Variants in PTPRS observed in about 807,000 individuals in gnomAD.
PTPRS encodes the protein protein tyrosine phosphatase receptor type S.
A neutral mutation model predicts 215.3 loss-of-function variants in PTPRS; 63 were observed. That is an observed-to-expected ratio of 0.29 (90% CI 0.24 to 0.36). The LOEUF is 0.36. Among genes scored for constraint, PTPRS ranks in the 10% least tolerant of loss-of-function variants. The pLI is 1.00. For synonymous variants in PTPRS, 1,404 were observed against 1,191.4 expected (o/e 1.18, Z -3.68); for missense variants, 2,258 against 2,825.8 (o/e 0.80, Z 4.56).
chr19:5,338,840 G>A lies in PTPRS; in HGVS notation c.-95+1824C>T, dbSNP rs137951097. ...GAGCGGGATGGCTTCCTTCTCCCGG[G>A]CGAAAGGCGGCAGAAAGAGGGAAGA... On this transcript the variant is annotated intron_variant, in intron 1 of 37. Transcript: ENST00000262963. This position sits in a 1 kb window ranked among gnomAD's most constrained non-coding sequence, Gnocchi z 4.2. Among the ~76,000 whole-genome samples, 358 of 152,324 alleles carry A rather than the reference G, an allele frequency of 2.4e-3. 2 individuals are homozygous for A. The highest frequency in any genetic ancestry group is 0.01 in the Middle Eastern group (3 of 294).
intron 37 of PTPRS, 77 bp downstream of exon 37, chr19:5,207,845 C>T: frequency 6.4e-7 from 1 of 1,572,626 alleles, no homozygotes; most frequent in Non-Finnish European, 8.6e-7. Flanking sequence ...GTACCCATCT[C>T]ACAGAGGAGG....
intron 2 of PTPRS, among the ~76,000 whole-genome samples, chr19:5,284,409 A>G (rs2048153677): frequency 7.3e-6 from 1 of 137,142 alleles, no homozygotes; most frequent in South Asian, 2.3e-4. Context: ...ATAAATAAAT[A>G]AATAAATAAA....
chr19:5,228,384 T>C (rs989044045), intron 16 of PTPRS, among the ~76,000 whole-genome samples: 47 of 141,338 alleles, frequency 3.3e-4, no homozygotes, highest in African/African-American at 1.2e-3. Context: ...CTCCCTCTGC[T>C]GACCAGGCTG....
chr19:5,220,161 G>T lies in PTPRS; in HGVS notation c.3550-7C>A. ...GTGAGATGTCCTGGATGAGCTGCGG[G>T]AACAGAGTCATGGGTGGCTCAGAGC... On this transcript the variant is annotated splice_region_variant and splice_polypyrimidine_tract_variant and intron_variant, in intron 21 of 37. Transcript: ENST00000262963. 6.2e-7 allele frequency: 1 copy of T among 1,610,158 alleles called. No homozygotes were observed. The highest frequency in any genetic ancestry group is 8.5e-7 in the Non-Finnish European group (1 of 1,178,068).
At position 5,218,575 on chromosome 19, in the gene PTPRS, A is replaced by G. The variant is rs1444875782; in HGVS notation, c.3936-43T>C. On this transcript the variant is annotated intron_variant, in intron 24 of 37. Coordinates refer to ENST00000262963, the MANE Select transcript of PTPRS (RefSeq NM_002850.4). ...GGAACAGTCCAGTTAGTAGTGGCAC[A>G]TGTTCATGTGTGAACACAATTCAGG... 4.4e-6 allele frequency: 7 copies of G among 1,592,000 alleles called. 1 individual carries two copies. Among genetic ancestry groups the G allele is most frequent in the South Asian group, 1.1e-5 (1 of 90,634 alleles).
chr19:5,229,526 G>A lies in PTPRS; in HGVS notation c.2314C>T (p.Pro772Ser). 2 of 1,463,828 alleles carry A rather than the reference G, an allele frequency of 1.4e-6. No homozygotes were observed. Among genetic ancestry groups the A allele is most frequent in the South Asian group, 1.3e-5 (1 of 74,554 alleles). The allele number at this position is 1,463,828 out of a possible 1,614,324, so 90.7% of individuals were successfully genotyped here. A position where few individuals can be genotyped will look rare whatever the true frequency, so the allele number is the denominator to read the frequency against. The change falls in exon 15 of 38, where the codon CCG becomes TCG. Residue 772 changes from proline to serine, a missense_variant. This residue lies in a region of PTPRS where 371 missense variants were observed against 446.7 expected (regional missense o/e 0.83). Transcript: ENST00000262963. ...RMEGAEARGP[P>S]RIKDVMLADA... ...GCCAGCATGACGTCCTTGATGCGCG[G>A]CGGCCCGCGGGCCTCGGCGCCCTCC...
At chr19:5,329,258 G>A (rs145480363) in intron 1 of PTPRS, among the ~76,000 whole-genome samples, 6 of 151,928 alleles carry the variant, frequency 3.9e-5, no homozygotes, top group Non-Finnish European at 7.4e-5. Context: ...TGAGGCCAGC[G>A]GCCCACAGAG....
chr19:5,293,889 G>C lies in PTPRS; in HGVS notation c.-94-7655C>G, dbSNP rs1343691259. Among the ~76,000 whole-genome samples the C allele has an allele frequency of 1.3e-5, 2 of 152,188 alleles. No homozygotes were observed. Among genetic ancestry groups the C allele is most frequent in the Admixed American group, 6.5e-5 (1 of 15,284 alleles). ...CACAGGGCCAGATTGGAAACAGATG[G>C]GGCCGCCGTGCCAGGCCCGCGACAC... On this transcript the variant is annotated intron_variant, in intron 1 of 37. Coordinates refer to ENST00000262963, the MANE Select transcript of PTPRS (RefSeq NM_002850.4). This position sits in a 1 kb window ranked among gnomAD's most constrained non-coding sequence, Gnocchi z 8.4.
chr19:5,233,254 G>A (rs575990227), intron 13 of PTPRS, among the ~76,000 whole-genome samples: 6 of 151,676 alleles, frequency 4.0e-5, no homozygotes, highest in African/African-American at 1.2e-4. Context: ...CACCTACTAT[G>A]TGCCAGCGCC....
intron 9 of PTPRS, among the ~76,000 whole-genome samples, chr19:5,246,515 C>G (rs1187722270): frequency 1.3e-5 from 2 of 152,200 alleles, no homozygotes; most frequent in African/African-American, 4.8e-5. Flanking sequence ...TCCGATCACT[C>G]CCGAATGGGG....
At chr19:5,269,154 CAT>C (rs2046687729) in intron 4 of PTPRS, among the ~76,000 whole-genome samples, 3 of 152,116 alleles carry the variant, frequency 2.0e-5, no homozygotes, top group Admixed American at 1.3e-4. Context: ...TGCGTGGGTA[CAT>C]GTGTGCCGCA....
At position 5,220,245 on chromosome 19, in the gene PTPRS, G is replaced by A. The variant is rs558274455; in HGVS notation, c.3549+15C>T. ...AATGCATCTGGGCCCTGCGGGTTGG[G>A]CCCCAGGCCCTCACCTCTTCCAGAT... On this transcript the variant is annotated intron_variant, in intron 21 of 37. Coordinates refer to ENST00000262963, the MANE Select transcript of PTPRS (RefSeq NM_002850.4). 1.2e-6 allele frequency: 2 copies of A among 1,612,768 alleles called. No individual in the cohort carries two copies. Among genetic ancestry groups the A allele is most frequent in the Non-Finnish European group, 1.7e-6 (2 of 1,179,206 alleles).
intron 17 of PTPRS, 82 bp downstream of exon 17, chr19:5,225,645 G>C (rs1271752657): frequency 8.2e-7 from 1 of 1,214,518 alleles, no homozygotes; most frequent in Non-Finnish European, 1.2e-6. Context: ...GCCCTTGTGA[G>C]CTCAAGGACT....
At chr19:5,268,233 C>T (rs1015864910) in intron 4 of PTPRS, among the ~76,000 whole-genome samples, 3 of 152,014 alleles carry the variant, frequency 2.0e-5, no homozygotes, top group South Asian at 4.2e-4. Context: ...CACAGCCACG[C>T]CCATTCGTTT....
chr19:5,305,765 A>ATATATATATAT (rs1491188046), intron 1 of PTPRS, among the ~76,000 whole-genome samples: 1 of 93,440 alleles, frequency 1.1e-5, no homozygotes, highest in Non-Finnish European at 2.1e-5. Context: ...ATATATATAT[A>ATATATATATAT]TTTTTTTTTT....
Position 5,223,178 on chromosome 19 carries a change from G to C in PTPRS, c.2614C>G (p.Arg872Gly). Residue 872 changes from arginine (R) to glycine (G), a missense_variant, in exon 18 of 38, where the codon CGT becomes GGT. By Grantham distance (125) the Arg-to-Gly change is moderately radical (BLOSUM62 -2). Transcript: ENST00000262963. The stretch of plus-strand genomic sequence containing the variant: ...GTGGCCAGGGGCGTCGAGTCCTCAC[G>C]GCCAAACTGCAGGCGGTAGCCCAGC... ...QVLGYRLQFG[R>G]EDSTPLATLE... 1.3e-6 allele frequency: 2 copies of C among 1,561,716 alleles called. No homozygotes were observed. The highest frequency in any genetic ancestry group is 1.7e-6 in the Non-Finnish European group (2 of 1,154,112).
At chr19:5,273,625 T>G (rs535330454) in intron 3 of PTPRS, 42 bp from the exon 4 acceptor site, 1 of 1,611,756 alleles carries the variant, frequency 6.2e-7, no homozygotes, top group Admixed American at 1.7e-5. Flanking sequence ...GAGGCTGGGG[T>G]CCCAGGAAGG....
intron 2 of PTPRS, among the ~76,000 whole-genome samples, chr19:5,282,016 GC>G (rs1016193215): frequency 6.6e-6 from 1 of 152,076 alleles, no homozygotes; most frequent in African/African-American, 2.4e-5. Flanking sequence ...AGTCCCTTAT[GC>G]CCCCACCGCA....
At chr19:5,245,130 C>T (rs1483909146) in intron 10 of PTPRS, among the ~76,000 whole-genome samples, 2 of 151,326 alleles carry the variant, frequency 1.3e-5, no homozygotes, top group East Asian at 1.9e-4. Context: ...CAGATGTGCG[C>T]CACCACGCCC....
Sources: gnomAD v4.1 joint callset for allele counts (sites outside exome capture counted in the v4.1 genomes callset) on GRCh38, gnomAD v4.1.1 for gene constraint, gnomAD v4.1.1 regional missense constraint, Gnocchi (gnomAD v3.1) non-coding constraint, MANE v1.5 for transcripts, NCBI Gene and HGNC (gene_info 2026-07-23, HGNC 2026-07-21) for gene names.